The following CCDC7 variants were observed in gnomAD, a reference collection of about 807,000 sequenced individuals.
CCDC7 encodes the protein coiled-coil domain containing 7, also known as coiled-coil domain-containing protein 7.
A neutral mutation model predicts 196.9 loss-of-function variants in CCDC7; 183 were observed. The observed-to-expected ratio is 0.93, with a 90% confidence interval of 0.82 to 1.05. The LOEUF (loss-of-function observed/expected upper bound fraction) is 1.05, where lower values mean the gene tolerates loss of function less well. CCDC7 is among the 50% of genes least tolerant of loss of function. The pLI is 0.00. For missense variants in CCDC7, 1,540 were observed against 1,482.2 expected (o/e 1.04, Z -0.64); for synonymous variants, 525 against 484.6 (o/e 1.08, Z -1.10).
At chr10:32,488,507 G>C (rs1199321110) in intron 8 of CCDC7, among the ~76,000 whole-genome samples, 2 of 152,198 alleles carry the variant, frequency 1.3e-5, no homozygotes, top group East Asian at 3.9e-4. Flanking sequence ...CCCACTTTCC[G>C]ACACTCCCCA....
intron 18 of CCDC7, 147 bp downstream of exon 19, chr10:32,584,451 C>A: frequency 4.1e-6 from 2 of 484,766 alleles, no homozygotes; most frequent in South Asian, 4.7e-5. Flanking sequence ...AATATAACGA[C>A]AATTATATAA....
At chr10:32,845,219 T>C (rs936597600) in intron 33 of CCDC7, 24 bp from the exon 35 acceptor site, 7 of 1,388,428 alleles carry the variant, frequency 5.0e-6, no homozygotes, top group Non-Finnish European at 6.9e-6. Context: ...TCAAAATATA[T>C]TGATATCTGT....
intron 8 of CCDC7, among the ~76,000 whole-genome samples, chr10:32,478,043 A>G (rs2039321596): frequency 6.6e-6 from 1 of 152,054 alleles, no homozygotes; most frequent in Non-Finnish European, 1.5e-5. Context: ...CCTCATATAG[A>G]TCTCGTACAT....
chr10:32,495,135 C>CT (rs1207512065), intron 9 of CCDC7, among the ~76,000 whole-genome samples: 6 of 152,206 alleles, frequency 3.9e-5, no homozygotes. Context: ...TTGCATTTCT[C>CT]TAATGACCAG....
intron 33 of CCDC7, among the ~76,000 whole-genome samples, chr10:32,837,353 T>A (rs2092685904): frequency 6.6e-6 from 1 of 151,922 alleles, no homozygotes; most frequent in Non-Finnish European, 1.5e-5. Context: ...ATCAGAGAAA[T>A]GCAAATCAAA....
At chr10:32,810,541 A>G (rs2086853458) in intron 30 of CCDC7, among the ~76,000 whole-genome samples, 1 of 152,168 alleles carries the variant, frequency 6.6e-6, no homozygotes. Flanking sequence ...ATCTAAAGGG[A>G]CAGAGACAGT....
At chr10:32,671,503 A>G (rs1406338208) in intron 21 of CCDC7, among the ~76,000 whole-genome samples, 7 of 152,146 alleles carry the variant, frequency 4.6e-5, no homozygotes, top group Non-Finnish European at 8.8e-5. Flanking sequence ...ATTAAGTGAC[A>G]CACATAACTA....
At chr10:32,843,402 A>C (rs1337244381) in intron 33 of CCDC7, among the ~76,000 whole-genome samples, 1 of 152,062 alleles carries the variant, frequency 6.6e-6, no homozygotes, top group Non-Finnish European at 1.5e-5. Context: ...TTTGATTAGT[A>C]TAAACTCAAG....
chr10:32,762,308 C>T (rs565914826), intron 28 of CCDC7, among the ~76,000 whole-genome samples: 1 of 151,770 alleles, frequency 6.6e-6, no homozygotes, highest in Non-Finnish European at 1.5e-5. Context: ...CTTCTCATGG[C>T]TAGCTATAGG....
At chr10:32,821,108 A>G (rs2090090252) in intron 31 of CCDC7, among the ~76,000 whole-genome samples, 1 of 152,232 alleles carries the variant, frequency 6.6e-6, no homozygotes, top group African/African-American at 2.4e-5. Context: ...ATGAACTCAA[A>G]CAAATTTACA....
At position 32,671,572 on chromosome 10, in the gene CCDC7, C is replaced by T. The variant is rs567668256; in HGVS notation, c.2122+7411C>T. Among the ~76,000 whole-genome samples the T allele has an allele frequency of 1.5e-3, 227 of 152,234 alleles. 2 individuals carry two copies. Among genetic ancestry groups the T allele is most frequent in the African/African-American group, 5.2e-3 (216 of 41,548 alleles). ...GTTTTGAATTTTTTATGAGGCAGTT[C>T]TTATATCTGCATTTCTTTGGGATCA... is the stretch of plus-strand genomic sequence containing the variant. On this transcript the variant is annotated intron_variant, in intron 21 of 41. Coordinates refer to ENST00000639629, the Ensembl canonical transcript of CCDC7.
At chr10:32,666,158 G>A (rs7899433) in intron 21 of CCDC7, among the ~76,000 whole-genome samples, 1 of 145,432 alleles carries the variant, frequency 6.9e-6, no homozygotes, top group Non-Finnish European at 1.5e-5. Context: ...AAGTTTCACC[G>A]GTGTTATTTA....
intron 33 of CCDC7, among the ~76,000 whole-genome samples, chr10:32,840,057 A>G (rs955286676): frequency 6.6e-6 from 1 of 152,092 alleles, no homozygotes; most frequent in South Asian, 2.1e-4. Flanking sequence ...AAAGTCTGAA[A>G]GAGCACAAAT....
upstream of CCDC7, chr10:32,446,117 T>C (rs1008761339): frequency 5.3e-5 from 8 of 152,110 alleles, no homozygotes; most frequent in East Asian, 7.7e-4. Context: ...CGTCGTGGCG[T>C]CGGGCGCCTG....
chr10:32,503,645 T>C (rs2044418616), intron 9 of CCDC7, among the ~76,000 whole-genome samples: 1 of 152,216 alleles, frequency 6.6e-6, no homozygotes, highest in Non-Finnish European at 1.5e-5. Context: ...ACTTGTGAAA[T>C]AGTTTAGAAG....
intron 9 of CCDC7, among the ~76,000 whole-genome samples, chr10:32,509,344 G>C (rs1490493785): frequency 1.3e-5 from 2 of 152,070 alleles, no homozygotes; most frequent in Non-Finnish European, 2.9e-5. Flanking sequence ...GGGAAAAGTG[G>C]ATCTCTATAT....
intron 11 of CCDC7, among the ~76,000 whole-genome samples, chr10:32,525,900 G>C (rs1275587504): frequency 6.6e-6 from 1 of 152,156 alleles, no homozygotes; most frequent in Non-Finnish European, 1.5e-5. Context: ...TCTGGAACTG[G>C]GGGTGTGTTG....
At chr10:32,570,205 C>T (rs897375993) in intron 15 of CCDC7, among the ~76,000 whole-genome samples, 11 of 152,164 alleles carry the variant, frequency 7.2e-5, no homozygotes, top group African/African-American at 2.7e-4. Flanking sequence ...TCCTGGCATC[C>T]TCATCCATCT....
chr10:32,794,875 T>A (rs957163831), intron 29 of CCDC7, among the ~76,000 whole-genome samples: 2 of 152,138 alleles, frequency 1.3e-5, no homozygotes, highest in African/African-American at 4.8e-5. Context: ...CCCAGTTCCA[T>A]AGGAAAGTCA....
Sources: allele counts gnomAD v4.1 joint callset (sites outside exome capture counted in the v4.1 genomes callset), GRCh38; gene constraint gnomAD v4.1.1; transcripts MANE v1.5; gene names NCBI Gene and HGNC (gene_info 2026-07-23, HGNC 2026-07-21).